Variants in PRUNE2 observed in about 807,000 individuals in gnomAD.
PRUNE2 encodes the protein prune homolog 2 with BCH domain, also known as protein prune homolog 2.
Under a neutral mutation model 252.0 loss-of-function variants are expected in PRUNE2, and 164 were observed. That is an observed-to-expected ratio of 0.65 (90% CI 0.57 to 0.74). The LOEUF (loss-of-function observed/expected upper bound fraction) is 0.74. Ranked by LOEUF, PRUNE2 falls within the 30% of genes least tolerant of loss-of-function variation. The probability of loss-of-function intolerance (pLI) is 0.00; values close to 1 mark genes in which losing one functional copy is unlikely to be tolerated. For synonymous variants in PRUNE2, 1,292 were observed against 1,350.2 expected (o/e 0.96, Z 0.94); for missense variants, 3,495 against 3,711.0 (o/e 0.94, Z 1.51).
intron 9 of PRUNE2, among the ~76,000 whole-genome samples, chr9:76,681,162 T>C (rs951860768): frequency 2.0e-5 from 3 of 152,170 alleles, no homozygotes; most frequent in Admixed American, 2.0e-4. Context: ...GCCAGTCACA[T>C]AAGCGAGTCA....
chr9:76,875,586 A>G (rs1040088441), intron 1 of PRUNE2, among the ~76,000 whole-genome samples: 9 of 152,132 alleles, frequency 5.9e-5, no homozygotes, highest in Admixed American at 3.3e-4. Flanking sequence ...GGCTGGTCTC[A>G]AACTCCTGAC....
In PRUNE2 at chr9:76,855,937, C is replaced by T. The variant is rs116421395; in HGVS notation, c.37-1729G>A. 2.8e-3 allele frequency among the ~76,000 whole-genome samples: 428 copies of T among 152,282 alleles called. 3 individuals carry two copies. The highest frequency in any genetic ancestry group is 9.9e-3 in the African/African-American group (411 of 41,562). ...CACTCTCAATGTCAGACTGCTTCCC[C>T]TGTGCAACACAGTCAAATATTCTAG... On this transcript the variant is annotated intron_variant, in intron 1 of 18. Coordinates refer to ENST00000376718, the MANE Select transcript of PRUNE2 (RefSeq NM_015225.3).
At chr9:76,776,917 C>T (rs2053850437) in intron 6 of PRUNE2, among the ~76,000 whole-genome samples, 1 of 149,210 alleles carries the variant, frequency 6.7e-6, no homozygotes, top group Admixed American at 6.7e-5. Context: ...CACACACACA[C>T]ACACACACAC....
At chr9:76,642,880 T>C (rs1843158296) in intron 12 of PRUNE2, among the ~76,000 whole-genome samples, 1 of 152,194 alleles carries the variant, frequency 6.6e-6, no homozygotes, top group Admixed American at 6.5e-5. Context: ...TCATGCAGGC[T>C]GGTGCCTGGA....
At chr9:76,619,561 G>A (rs1831217830) in intron 17 of PRUNE2, among the ~76,000 whole-genome samples, 174 bp from the exon 18 acceptor site, 1 of 152,192 alleles carries the variant, frequency 6.6e-6, no homozygotes, top group Non-Finnish European at 1.5e-5. Context: ...CATTGGTTTT[G>A]AAATACAAGT....
At chr9:76,629,898 T>C (rs1380269803) in intron 15 of PRUNE2, among the ~76,000 whole-genome samples, 1 of 152,190 alleles carries the variant, frequency 6.6e-6, no homozygotes, top group Non-Finnish European at 1.5e-5. Flanking sequence ...ATGCAGGTAT[T>C]TCTTATTACA....
chr9:76,882,751 C>T (rs1382439071), intron 1 of PRUNE2, among the ~76,000 whole-genome samples: 1 of 152,190 alleles, frequency 6.6e-6, no homozygotes, highest in African/African-American at 2.4e-5. Flanking sequence ...GATCCAATCA[C>T]TTCCCACCAG....
intron 4 of PRUNE2, among the ~76,000 whole-genome samples, chr9:76,837,835 A>C (rs865784691): frequency 3.3e-5 from 5 of 149,908 alleles, no homozygotes; most frequent in Admixed American, 6.7e-5. Flanking sequence ...GCAGTGGCGC[A>C]ATCTCGGCTC....
chr9:76,687,278 CCTATT>C (rs2044199572), intron 9 of PRUNE2, among the ~76,000 whole-genome samples: 2 of 152,150 alleles, frequency 1.3e-5, no homozygotes, highest in Admixed American at 6.5e-5. Context: ...TGGTTTCACT[CCTATT>C]TTATTTTAGG....
intron 9 of PRUNE2, among the ~76,000 whole-genome samples, chr9:76,686,863 A>G (rs2044152335): frequency 6.6e-6 from 1 of 152,016 alleles, no homozygotes; most frequent in Non-Finnish European, 1.5e-5. Flanking sequence ...CTCCTGAGTA[A>G]GTGGGACCAC....
intron 6 of PRUNE2, among the ~76,000 whole-genome samples, chr9:76,763,614 C>T (rs910424894): frequency 6.6e-6 from 1 of 152,160 alleles, no homozygotes; most frequent in African/African-American, 2.4e-5. Context: ...GATCTGGTGT[C>T]GTCTATTTAG....
intron 1 of PRUNE2, among the ~76,000 whole-genome samples, chr9:76,875,977 G>A (rs1018534856): frequency 1.2e-4 from 19 of 152,140 alleles, no homozygotes; most frequent in Admixed American, 1.2e-3. Context: ...GTGGGGCCCA[G>A]TTATCTGTGT....
intron 4 of PRUNE2, among the ~76,000 whole-genome samples, chr9:76,827,392 A>C (rs2058406157): frequency 1.3e-5 from 2 of 152,144 alleles, no homozygotes; most frequent in African/African-American, 4.8e-5. Flanking sequence ...ACCTTGCACA[A>C]ACTCCTGTGA....
chr9:76,771,246 A>G (rs1000249965), intron 6 of PRUNE2, among the ~76,000 whole-genome samples: 3 of 152,200 alleles, frequency 2.0e-5, no homozygotes, highest in African/African-American at 7.2e-5. Context: ...CATCTTAAAT[A>G]TATTTATAAG....
intron 9 of PRUNE2, among the ~76,000 whole-genome samples, chr9:76,683,320 T>G (rs946725723): frequency 3.1e-4 from 47 of 152,108 alleles, no homozygotes; most frequent in African/African-American, 9.9e-4. Context: ...AATGTAAACC[T>G]GAGGGCCTAT....
chr9:76,767,375 C>T (rs952507692), intron 6 of PRUNE2, among the ~76,000 whole-genome samples: 13 of 151,778 alleles, frequency 8.6e-5, no homozygotes, highest in African/African-American at 3.1e-4. Context: ...AGCTTGAACT[C>T]GGGAGGCAGA....
At position 76,836,629 on chromosome 9, in the gene PRUNE2, T is replaced by C. The variant is rs370477744; in HGVS notation, c.508+9886A>G. On this transcript the variant is annotated intron_variant, in intron 4 of 18. Coordinates refer to ENST00000376718, the MANE Select transcript of PRUNE2 (RefSeq NM_015225.3). The stretch of plus-strand genomic sequence containing the variant: ...AATGAAAGTGGATACTAATGATTTG[T>C]TTCCTGAAATTTCTAAGTTTGGGGG... 7.2e-5 allele frequency among the ~76,000 whole-genome samples: 11 copies of C among 152,248 alleles called. No individual in the cohort carries two copies. In the South Asian group the frequency reaches 2.3e-3, roughly 32 times the overall value.
At chr9:76,869,765 T>C (rs1355082905) in intron 1 of PRUNE2, among the ~76,000 whole-genome samples, 1 of 152,232 alleles carries the variant, frequency 6.6e-6, no homozygotes, top group Admixed American at 6.5e-5. Flanking sequence ...CATCAGAGGC[T>C]TCCCACCTTG....
At chr9:76,894,716 G>GGAAAAAAAAAAAAAA (rs1170899729) in intron 1 of PRUNE2, among the ~76,000 whole-genome samples, 1 of 110,710 alleles carries the variant, frequency 9.0e-6, no homozygotes, top group Non-Finnish European at 1.5e-5. Flanking sequence ...ATTTTCTGCA[G>GGAAAAAAAAAAAAAA]CAAAAAAAAA....
Sources: gnomAD v4.1 joint callset for allele counts (sites outside exome capture counted in the v4.1 genomes callset) on GRCh38, gnomAD v4.1.1 for gene constraint, MANE v1.5 for transcripts, NCBI Gene and HGNC (gene_info 2026-07-23, HGNC 2026-07-21) for gene names.